LRMDA: variants seen among roughly 807,000 people sequenced by gnomAD.
LRMDA encodes the protein leucine rich melanocyte differentiation associated, also known as leucine-rich melanocyte differentiation-associated protein.
In LRMDA, 18 loss-of-function variants were observed where a neutral mutation model predicts 29.8. The observed-to-expected ratio is 0.60, with a 90% CI of 0.42 to 0.90. The LOEUF is 0.90. Ranked by LOEUF, LRMDA falls within the 40% of genes least tolerant of loss-of-function variation. The pLI, the probability that LRMDA is intolerant of heterozygous loss-of-function variation, is 0.00. For synonymous variants in LRMDA, 125 were observed against 109.4 expected (o/e 1.14, Z -0.89); for missense variants, 273 against 273.9 (o/e 1.00, Z 0.02).
At chr10:75,679,319 T>G (rs1841997511) in intron 2 of LRMDA, among the ~76,000 whole-genome samples, 1 of 152,182 alleles carries the variant, frequency 6.6e-6, no homozygotes, top group African/African-American at 2.4e-5. Context: ...ATTATCCTAT[T>G]TCATTCCTGC....
chr10:75,469,194 G>GA (rs201950116), intron 2 of LRMDA, among the ~76,000 whole-genome samples: 56 of 150,032 alleles, frequency 3.7e-4, no homozygotes, highest in African/African-American at 5.6e-4. Context: ...CATTTTAAAG[G>GA]AAAAAAAAAG....
At chr10:75,563,412 ATGCTAGTTATACATT>A (rs1248876539) in intron 2 of LRMDA, among the ~76,000 whole-genome samples, 1 of 152,066 alleles carries the variant, frequency 6.6e-6, no homozygotes, top group African/African-American at 2.4e-5. Flanking sequence ...TGTATTGGTT[ATGCTAGTTATACATT>A]TGTCTAAATT....
intron 3 of LRMDA, among the ~76,000 whole-genome samples, chr10:76,039,139 C>A (rs889702210): frequency 4.6e-5 from 7 of 152,200 alleles, no homozygotes; most frequent in African/African-American, 1.7e-4. Context: ...TGTCCCATGA[C>A]CAAAGCAAGT....
intron 6 of LRMDA, chr10:76,396,408 G>A (rs1415433877): frequency 6.6e-6 from 1 of 152,178 alleles, no homozygotes; most frequent in East Asian, 1.9e-4. Flanking sequence ...AGAAAGTGAC[G>A]ATGCGATTCT....
chr10:76,227,298 C>CT (rs561962264), intron 5 of LRMDA, among the ~76,000 whole-genome samples: 45 of 151,958 alleles, frequency 3.0e-4, no homozygotes, highest in African/African-American at 9.9e-4. Flanking sequence ...TAGCTGTGGA[C>CT]TTTTTTTTGT....
intron 2 of LRMDA, among the ~76,000 whole-genome samples, chr10:75,675,801 T>C (rs752452914): frequency 6.6e-5 from 10 of 152,200 alleles, no homozygotes; most frequent in South Asian, 4.1e-4. Flanking sequence ...AGGACAGGCG[T>C]ATCTGCTTCA....
chr10:76,323,288 A>G (rs1379916101), intron 5 of LRMDA, among the ~76,000 whole-genome samples: 1 of 152,194 alleles, frequency 6.6e-6, no homozygotes, highest in African/African-American at 2.4e-5. Flanking sequence ...TCTAGCAAGT[A>G]GGTCTAATCT....
chr10:76,430,094 G>A (rs919805028), intron 6 of LRMDA, among the ~76,000 whole-genome samples: 2 of 152,172 alleles, frequency 1.3e-5, no homozygotes, highest in Non-Finnish European at 2.9e-5. Flanking sequence ...AGCCTGGTAG[G>A]ATTTTGTTTC....
At chr10:76,422,568 T>C (rs759542275) in intron 6 of LRMDA, among the ~76,000 whole-genome samples, 18 of 152,194 alleles carry the variant, frequency 1.2e-4, no homozygotes, top group Non-Finnish European at 2.4e-4. Flanking sequence ...GCTAAGCCTC[T>C]TTCTACTCAG....
chr10:75,594,541 G>T (rs1589196801), intron 2 of LRMDA, among the ~76,000 whole-genome samples: 1 of 152,266 alleles, frequency 6.6e-6, no homozygotes, highest in African/African-American at 2.4e-5. Flanking sequence ...GCATCATATG[G>T]TTTGCAATTG....
chr10:76,256,669 A>G (rs1247479), intron 5 of LRMDA, among the ~76,000 whole-genome samples: 88,468 of 152,098 alleles, frequency 0.58, 25,849 homozygotes, highest in South Asian at 0.65. Flanking sequence ...TCTAAGTTCT[A>G]AGTAATTGCC....
At chr10:76,517,020 G>A (rs998922458) in intron 6 of LRMDA, among the ~76,000 whole-genome samples, 2 of 152,104 alleles carry the variant, frequency 1.3e-5, no homozygotes, top group Non-Finnish European at 2.9e-5. Flanking sequence ...TAGTAAACTA[G>A]TAAGTTGCTC....
intron 6 of LRMDA, among the ~76,000 whole-genome samples, chr10:76,524,065 C>T (rs1187868810): frequency 7.9e-5 from 12 of 152,228 alleles, no homozygotes. Context: ...AATCAATACA[C>T]TAAAGTTGAA....
At chr10:76,268,506 C>T (rs1344977171) in intron 5 of LRMDA, among the ~76,000 whole-genome samples, 3 of 152,154 alleles carry the variant, frequency 2.0e-5, no homozygotes, top group African/African-American at 4.8e-5. Context: ...AGATCAAACT[C>T]GATCTGATGT....
chr10:75,619,827 C>T (rs771340571), intron 2 of LRMDA, among the ~76,000 whole-genome samples: 15 of 152,182 alleles, frequency 9.9e-5, no homozygotes, highest in Non-Finnish European at 2.2e-4. Context: ...TGGTCATAGC[C>T]GTGTGACCCT....
chr10:76,121,614 C>A (rs1849790955), intron 5 of LRMDA, among the ~76,000 whole-genome samples: 1 of 152,144 alleles, frequency 6.6e-6, no homozygotes, highest in East Asian at 1.9e-4. Context: ...TGTCATTCTC[C>A]CATGCCAACT....
chr10:76,219,775 A>G (rs1395545798), intron 5 of LRMDA, among the ~76,000 whole-genome samples: 3 of 152,188 alleles, frequency 2.0e-5, no homozygotes, highest in Admixed American at 6.5e-5. Context: ...CCTAATAGAC[A>G]TCTACAGAAC....
intron 2 of LRMDA, among the ~76,000 whole-genome samples, chr10:75,817,800 G>A (rs1474680970): frequency 6.6e-6 from 1 of 152,192 alleles, no homozygotes; most frequent in Non-Finnish European, 1.5e-5. Context: ...CTTGTTTTAG[G>A]TAGAATATTA....
intron 2 of LRMDA, among the ~76,000 whole-genome samples, chr10:75,559,293 C>A (rs1351788189): frequency 1.3e-5 from 2 of 150,568 alleles, no homozygotes; most frequent in East Asian, 2.0e-4. Context: ...TGATGGTGAG[C>A]ATTTTTTCAT....
Sources: gnomAD v4.1 joint callset for allele counts (sites outside exome capture counted in the v4.1 genomes callset) on GRCh38, gnomAD v4.1.1 for gene constraint, MANE v1.5 for transcripts, NCBI Gene and HGNC (gene_info 2026-07-23, HGNC 2026-07-21) for gene names.